Variants in CNTNAP5 observed in about 807,000 individuals in gnomAD.
CNTNAP5 encodes the protein contactin associated protein family member 5, also known as contactin-associated protein-like 5.
A neutral mutation model predicts 150.2 loss-of-function variants in CNTNAP5; 72 were observed. The ratio of observed to expected loss-of-function variants is 0.48; its 90% confidence interval spans 0.40 to 0.58. CNTNAP5 has a LOEUF of 0.58. Ranked by LOEUF, CNTNAP5 falls within the 20% of genes least tolerant of loss-of-function variation. CNTNAP5 has a pLI of 0.00. For missense variants in CNTNAP5, 1,636 were observed against 1,626.2 expected, an observed-to-expected ratio of 1.01 and a Z score of -0.10; for synonymous variants, 672 against 619.8, an observed-to-expected ratio of 1.08 and a Z score of -1.25.
At chr2:124,896,533 A>C (rs1193245804) in intron 21 of CNTNAP5, among the ~76,000 whole-genome samples, 1 of 149,932 alleles carries the variant, frequency 6.7e-6, no homozygotes, top group Non-Finnish European at 1.5e-5. Context: ...GGAATATGGA[A>C]GTTCTTTTTT....
At chr2:124,078,753 G>A (rs563668696) in intron 1 of CNTNAP5, among the ~76,000 whole-genome samples, 83 of 152,308 alleles carry the variant, frequency 5.4e-4, no homozygotes, top group Admixed American at 4.3e-3. Flanking sequence ...GGAATTGGGT[G>A]CAGGTATTTT....
At chr2:124,881,941 T>C (rs1335992160) in intron 21 of CNTNAP5, among the ~76,000 whole-genome samples, 1 of 151,998 alleles carries the variant, frequency 6.6e-6, no homozygotes, top group Non-Finnish European at 1.5e-5. Context: ...AAGGGGGAAA[T>C]GCTTGCACTC....
intron 1 of CNTNAP5, among the ~76,000 whole-genome samples, chr2:124,183,653 C>G (rs1685260915): frequency 6.6e-6 from 1 of 152,158 alleles, no homozygotes; most frequent in African/African-American, 2.4e-5. Context: ...CATTGCAACC[C>G]TCAGGTGTTC....
intron 1 of CNTNAP5, among the ~76,000 whole-genome samples, chr2:124,059,017 A>G (rs1210070255): frequency 6.6e-6 from 1 of 152,120 alleles, no homozygotes; most frequent in Non-Finnish European, 1.5e-5. Context: ...ATTTTTTTTA[A>G]GTTACAGAAG....
At chr2:124,655,951 GAAAGAA>G (rs1553427805) in intron 13 of CNTNAP5, among the ~76,000 whole-genome samples, 5 of 107,646 alleles carry the variant, frequency 4.6e-5, no homozygotes, top group Admixed American at 2.0e-4. Context: ...GAGAGAGAAA[GAAAGAA>G]AGAAAGAAAG....
chr2:124,497,432 GA>G lies in CNTNAP5; in HGVS notation c.1063-6859del, dbSNP rs1201511492. The stretch of plus-strand genomic sequence containing the variant: ...TAATTCAGTAAAAGTCTTGAAAGAG[GA>G]TGGACTCCTAGCAGAAATATAAGGC... On this transcript the variant is annotated intron_variant, in intron 7 of 23. Transcript: ENST00000682447. 2.0e-5 allele frequency among the ~76,000 whole-genome samples: 3 copies of G among 152,300 alleles called. No individual in the cohort carries two copies. The East Asian group carries it at 5.8e-4, about 29-fold the overall frequency.
chr2:124,112,732 A>G (rs1392811529), intron 1 of CNTNAP5, among the ~76,000 whole-genome samples: 1 of 152,024 alleles, frequency 6.6e-6, no homozygotes, highest in Non-Finnish European at 1.5e-5. Context: ...AAAAAACCCC[A>G]TTTGTACTTC....
chr2:124,228,543 CAGT>C (rs1686526776), intron 2 of CNTNAP5, among the ~76,000 whole-genome samples: 1 of 152,258 alleles, frequency 6.6e-6, no homozygotes, highest in South Asian at 2.1e-4. Context: ...GACAACTTCA[CAGT>C]ATCTAAGCTC....
intron 14 of CNTNAP5, among the ~76,000 whole-genome samples, chr2:124,756,217 A>T (rs1300262368): frequency 6.6e-6 from 1 of 152,230 alleles, no homozygotes; most frequent in East Asian, 1.9e-4. Flanking sequence ...CCACAATGAG[A>T]TACCATCTTA....
chr2:124,814,616 A>G (rs1453731689), intron 19 of CNTNAP5, among the ~76,000 whole-genome samples: 1 of 151,812 alleles, frequency 6.6e-6, no homozygotes, highest in Non-Finnish European at 1.5e-5. Context: ...ACAAGCATAT[A>G]CTAATGGTTC....
intron 19 of CNTNAP5, among the ~76,000 whole-genome samples, chr2:124,856,900 T>A (rs776386440): frequency 1.3e-5 from 2 of 152,174 alleles, no homozygotes; most frequent in African/African-American, 4.8e-5. Flanking sequence ...GCTTGTCAGA[T>A]CTGACCTCTG....
chr2:124,571,529 T>TTTTCTTTTTCTCTTTTTTTTCTTTTTC (rs1558959181), intron 11 of CNTNAP5, among the ~76,000 whole-genome samples: 1 of 86,584 alleles, frequency 1.2e-5, no homozygotes, highest in African/African-American at 4.4e-5. Flanking sequence ...TCTTTTTTCT[T>TTTTCTTTTTCTCTTTTTTTTCTTTTTC]TTTTTTTTTT....
intron 3 of CNTNAP5, among the ~76,000 whole-genome samples, chr2:124,339,701 G>C (rs186581729): frequency 1.3e-5 from 2 of 152,100 alleles, no homozygotes; most frequent in African/African-American, 4.8e-5. Flanking sequence ...ATTGATGTGC[G>C]GGCAACCCAC....
chr2:124,332,697 C>G (rs1689379010), intron 3 of CNTNAP5, among the ~76,000 whole-genome samples: 1 of 151,820 alleles, frequency 6.6e-6, no homozygotes, highest in Non-Finnish European at 1.5e-5. Context: ...TAATATAAAG[C>G]ATAATTATTA....
chr2:124,538,454 G>A (rs1405909545), intron 10 of CNTNAP5, among the ~76,000 whole-genome samples: 1 of 151,714 alleles, frequency 6.6e-6, no homozygotes, highest in Non-Finnish European at 1.5e-5. Context: ...CTCCAGCCTG[G>A]GTGACACAGT....
At chr2:124,423,417 C>T (rs1692157772) in intron 4 of CNTNAP5, among the ~76,000 whole-genome samples, 1 of 152,128 alleles carries the variant, frequency 6.6e-6, no homozygotes, top group Admixed American at 6.5e-5. Context: ...AGGATTTCAG[C>T]ACCTTCGTCA....
At chr2:124,252,943 TATTA>T in intron 3 of CNTNAP5, among the ~76,000 whole-genome samples, 1 of 152,128 alleles carries the variant, frequency 6.6e-6, no homozygotes, top group African/African-American at 2.4e-5. Flanking sequence ...AAGGCGATCT[TATTA>T]TTTAAGACAA....
rs1678767138 is a variant in CNTNAP5 at position 124,916,272 on chromosome 2, T to G, written c.*1984T>G. Among the ~76,000 whole-genome samples the G allele has an allele frequency of 6.6e-6, 1 of 152,248 alleles. No homozygotes were observed. Among genetic ancestry groups the G allele is most frequent in the African/African-American group, 2.4e-5 (1 of 41,580 alleles). The stretch of plus-strand genomic sequence containing the variant: ...GTGATTTTAACCATGATATCATTTC[T>G]CTCCTTTTAGTTTTAATAAGATGAA... On this transcript the variant is annotated 3_prime_UTR_variant, in exon 24 of 24. Transcript: ENST00000682447.
intron 1 of CNTNAP5, among the ~76,000 whole-genome samples, chr2:124,119,540 A>T (rs1166871296): frequency 1.3e-5 from 2 of 152,188 alleles, no homozygotes; most frequent in Non-Finnish European, 2.9e-5. Context: ...GGACTGACCG[A>T]TAGTAATTTT....
Sources: gnomAD v4.1 joint callset for allele counts (sites outside exome capture counted in the v4.1 genomes callset) on GRCh38, gnomAD v4.1.1 for gene constraint, MANE v1.5 for transcripts, NCBI Gene and HGNC (gene_info 2026-07-23, HGNC 2026-07-21) for gene names.